The following MAD1L1 variants were observed in gnomAD, a reference collection of about 807,000 sequenced individuals.
MAD1L1 encodes mitotic spindle assembly checkpoint protein MAD1.
MAD1L1 carries 95 observed loss-of-function variants against 96.9 expected under a neutral mutation model. The ratio of observed to expected loss-of-function variants is 0.98; its 90% CI spans 0.83 to 1.16. The LOEUF is 1.16. MAD1L1 is among the 50% of genes most tolerant of loss of function. The probability of loss-of-function intolerance (pLI) is 0.00; values close to 1 mark genes in which losing one functional copy is unlikely to be tolerated. For missense variants in MAD1L1, 1,007 were observed against 954.4 expected (o/e 1.06, Z -0.73); for synonymous variants, 473 against 396.6 (o/e 1.19, Z -2.29).
At chr7:1,872,871 T>A (rs1327251818) in intron 18 of MAD1L1, 2 of 152,294 alleles carry the variant, frequency 1.3e-5, no homozygotes, top group Non-Finnish European at 2.9e-5. Context: ...TGGACGTCAA[T>A]AAAACGTCAA....
intron 10 of MAD1L1, among the ~76,000 whole-genome samples, chr7:2,161,749 T>A (rs1790143122): frequency 2.0e-5 from 3 of 146,948 alleles, no homozygotes; most frequent in Admixed American, 6.7e-5. Context: ...CGCCTCTGCC[T>A]GGCCGCGACC....
chr7:1,932,160 T>C (rs1477492369), intron 17 of MAD1L1, among the ~76,000 whole-genome samples: 1 of 152,110 alleles, frequency 6.6e-6, no homozygotes, highest in Non-Finnish European at 1.5e-5. Flanking sequence ...GGGGGCTTCC[T>C]TCTCTGCTCT....
intron 12 of MAD1L1, among the ~76,000 whole-genome samples, chr7:2,021,079 C>G (rs1179264922): frequency 6.6e-6 from 1 of 152,172 alleles, no homozygotes; most frequent in African/African-American, 2.4e-5. Flanking sequence ...GACCTAAGAA[C>G]AGTGGGATGA....
In MAD1L1 at chr7:2,038,498, C is replaced by CT. The variant is rs60466584; in HGVS notation, c.1219-23857dup. ...TGTTAGGAGATAATGAAGCTGATGA[C>CT]TTTTTTTTTTTTTTTTTTTTTTTTT... On this transcript the variant is annotated intron_variant, in intron 12 of 18. Coordinates refer to ENST00000265854, the MANE Select transcript of MAD1L1 (RefSeq NM_001013836.2). 5.5e-3 allele frequency among the ~76,000 whole-genome samples: 510 copies of CT among 92,850 alleles called. 22 individuals are homozygous for CT. Among genetic ancestry groups the CT allele is most frequent in the East Asian group, 0.014 (33 of 2,278 alleles). 60.9% of individuals were successfully genotyped at this position (92,850 alleles called of 152,430 possible).
chr7:2,116,141 G>A (rs977654806), intron 11 of MAD1L1, among the ~76,000 whole-genome samples: 2 of 152,246 alleles, frequency 1.3e-5, no homozygotes, highest in Admixed American at 6.5e-5. Flanking sequence ...TGTCCACACT[G>A]ACGTGTTGGC....
intron 12 of MAD1L1, among the ~76,000 whole-genome samples, chr7:2,033,001 G>T (rs1013063114): frequency 2.0e-5 from 3 of 152,260 alleles, no homozygotes; most frequent in Non-Finnish European, 4.4e-5. Context: ...CTGGTATCAC[G>T]TGTCTACTGC....
intron 17 of MAD1L1, among the ~76,000 whole-genome samples, chr7:1,902,242 G>A (rs1236098030): frequency 6.6e-6 from 1 of 152,212 alleles, no homozygotes; most frequent in East Asian, 1.9e-4. Flanking sequence ...GCTCCATTAG[G>A]TAAAGGCTAG....
intron 10 of MAD1L1, among the ~76,000 whole-genome samples, chr7:2,154,997 T>C (rs1191810853): frequency 6.6e-6 from 1 of 152,156 alleles, no homozygotes; most frequent in African/African-American, 2.4e-5. Flanking sequence ...CAGGAGGCTC[T>C]GGGCACGCGG....
intron 17 of MAD1L1, among the ~76,000 whole-genome samples, chr7:1,919,219 G>A (rs114345679): frequency 6.6e-6 from 1 of 152,226 alleles, no homozygotes; most frequent in African/African-American, 2.4e-5. Context: ...GAGAGAAAAG[G>A]GTCCACCCAG....
chr7:2,164,516 G>A (rs1584464384), intron 10 of MAD1L1, among the ~76,000 whole-genome samples: 2 of 141,914 alleles, frequency 1.4e-5, no homozygotes, highest in South Asian at 4.5e-4. Flanking sequence ...TCAGGTTGTA[G>A]GTCACATCAA....
intron 14 of MAD1L1, among the ~76,000 whole-genome samples, chr7:1,998,167 A>G (rs926886760): frequency 2.6e-5 from 4 of 152,204 alleles, no homozygotes; most frequent in South Asian, 2.1e-4. Context: ...CCAGAACCAG[A>G]TATCTGGAGA....
At chr7:1,947,595 G>A (rs567194273) in intron 16 of MAD1L1, among the ~76,000 whole-genome samples, 5 of 124,192 alleles carry the variant, frequency 4.0e-5, no homozygotes, top group African/African-American at 1.2e-4. Context: ...GGCCTTGCCT[G>A]CTTGGCCTTC....
chr7:2,006,162 C>G (rs1263878259), intron 13 of MAD1L1, among the ~76,000 whole-genome samples: 2 of 152,136 alleles, frequency 1.3e-5, no homozygotes, highest in East Asian at 1.9e-4. Flanking sequence ...CTCCTAAGAA[C>G]AGAGCCATGG....
intron 12 of MAD1L1, among the ~76,000 whole-genome samples, chr7:2,064,430 G>A (rs1341558327): frequency 2.0e-5 from 3 of 152,230 alleles, no homozygotes; most frequent in Non-Finnish European, 4.4e-5. Flanking sequence ...TGGAGAGGAG[G>A]CCTCAGGAAG....
intron 11 of MAD1L1, chr7:2,079,990 G>C (rs1211475517): frequency 3.1e-6 from 1 of 322,940 alleles, no homozygotes; most frequent in Non-Finnish European, 6.0e-6. Context: ...CGAGGTCAGA[G>C]AGAAGGAGAC....
chr7:2,183,378 T>C (rs1190738790), intron 10 of MAD1L1, among the ~76,000 whole-genome samples: 1 of 152,110 alleles, frequency 6.6e-6, no homozygotes, highest in Non-Finnish European at 1.5e-5. Flanking sequence ...GAAAAATCAA[T>C]AATAGAAAGA....
intron 12 of MAD1L1, among the ~76,000 whole-genome samples, chr7:2,019,680 C>T (rs1226571387): frequency 2.6e-5 from 4 of 151,594 alleles, no homozygotes; most frequent in African/African-American, 9.7e-5. Flanking sequence ...CACAAGGCCA[C>T]GCCTCGCCAC....
chr7:2,152,852 G>GAA (rs1789646896), intron 10 of MAD1L1, among the ~76,000 whole-genome samples: 1 of 152,198 alleles, frequency 6.6e-6, no homozygotes, highest in Non-Finnish European at 1.5e-5. Flanking sequence ...TTTTCACACT[G>GAA]GCATTGGGAG....
At chr7:1,847,943 C>T (rs1217496201) in intron 18 of MAD1L1, 2 of 352,908 alleles carry the variant, frequency 5.7e-6, no homozygotes, top group East Asian at 7.5e-5. Flanking sequence ...TTCTCCAGGG[C>T]TAACAGGCCA....
Sources: allele counts gnomAD v4.1 joint callset (sites outside exome capture counted in the v4.1 genomes callset), GRCh38; gene constraint gnomAD v4.1.1; transcripts MANE v1.5; gene names NCBI Gene and HGNC (gene_info 2026-07-23, HGNC 2026-07-21).